Variants in DPP6 observed in about 807,000 individuals in gnomAD.
DPP6 encodes the protein dipeptidyl peptidase like 6, also known as A-type potassium channel modulatory protein DPP6.
Under a neutral mutation model 122.6 loss-of-function variants are expected in DPP6, and 69 were observed. The ratio of observed to expected loss-of-function variants is 0.56; its 90% CI spans 0.46 to 0.69. The LOEUF (loss-of-function observed/expected upper bound fraction) is 0.69, where lower values mean the gene tolerates loss of function less well. Ranked by LOEUF, DPP6 falls within the 30% of genes least tolerant of loss-of-function variation. The pLI is 0.00. For synonymous variants in DPP6, 418 were observed against 433.1 expected, an observed-to-expected ratio of 0.97 and a Z score of 0.43; for missense variants, 928 against 1,116.9, an observed-to-expected ratio of 0.83 and a Z score of 2.41.
chr7:154,779,115 TCACCACCACTATCACCGCTATCACCAC>T (rs1796841104), intron 10 of DPP6, among the ~76,000 whole-genome samples: 1 of 418 alleles, frequency 2.4e-3, no homozygotes, highest in Admixed American at 0.029. Flanking sequence ...ACCCCCACCA[TCACCACCACTATCACCGCTATCACCAC>T]CACCCCCACC....
chr7:154,252,235 T>TGTGTGTGTGTGTGTGCGC (rs60245069), intron 1 of DPP6, among the ~76,000 whole-genome samples: 5 of 149,448 alleles, frequency 3.3e-5, no homozygotes, highest in African/African-American at 1.3e-4. Context: ...TGTGTGTGTG[T>TGTGTGTGTGTGTGTGCGC]GCGCGCATGC....
Position 153,924,118 on chromosome 7 carries a change from AT to A in DPP6, c.51+36399del, listed in dbSNP as rs199558532. The stretch of plus-strand genomic sequence containing the variant: ...ATAACAGTAATGTGTATTATTGAGG[AT>A]TTTTTTTTTTTTTTCGAGACGGAGT... On this transcript the variant is annotated intron_variant, in intron 1 of 25. Coordinates refer to the DPP6 transcript ENST00000404039. Among the ~76,000 whole-genome samples the A allele has an allele frequency of 4.4e-3, 629 of 143,112 alleles. 2 individuals are homozygous for A. Among genetic ancestry groups the A allele is most frequent in the East Asian group, 7.0e-3 (34 of 4,850 alleles). The allele number at this position is 143,112 out of a possible 152,430, so 93.9% of individuals were successfully genotyped here. A position where few individuals can be genotyped will look rare whatever the true frequency, so the allele number is the denominator to read the frequency against.
the DPP6 span, among the ~76,000 whole-genome samples, chr7:153,872,685 C>T: frequency 7.2e-5 from 11 of 152,246 alleles, no homozygotes; most frequent in African/African-American, 2.4e-4. Flanking sequence ...TTATCATTAT[C>T]ATCTTAGATG....
At chr7:153,840,534 A>G in the DPP6 span, among the ~76,000 whole-genome samples, 1 of 152,164 alleles carries the variant, frequency 6.6e-6, no homozygotes, top group Non-Finnish European at 1.5e-5. Context: ...CTCAAATGTA[A>G]TAATTAATAC....
At chr7:154,725,415 T>G (rs1259818690) in intron 7 of DPP6, among the ~76,000 whole-genome samples, 1 of 152,142 alleles carries the variant, frequency 6.6e-6, no homozygotes, top group Non-Finnish European at 1.5e-5. Flanking sequence ...CTCAGAAAAC[T>G]TTTAATCATT....
intron 1 of DPP6, among the ~76,000 whole-genome samples, chr7:154,279,601 T>C (rs916678193): frequency 6.6e-6 from 1 of 152,240 alleles, no homozygotes; most frequent in Non-Finnish European, 1.5e-5. Flanking sequence ...GTGGTACTGA[T>C]GATCATTACG....
intron 3 of DPP6, among the ~76,000 whole-genome samples, chr7:154,533,948 T>C (rs1483949652): frequency 6.6e-6 from 1 of 151,718 alleles, no homozygotes; most frequent in African/African-American, 2.4e-5. Flanking sequence ...CAGTAAGCCA[T>C]GATCATGCTA....
At chr7:153,990,807 A>G (rs1190778218) in intron 1 of DPP6, among the ~76,000 whole-genome samples, 24 of 152,252 alleles carry the variant, frequency 1.6e-4, no homozygotes, top group African/African-American at 4.6e-4. Flanking sequence ...CATTGAAGAA[A>G]AGAGGACGAA....
rs140310668 is a variant in DPP6 at position 154,582,070 on chromosome 7, C to A, written c.627+15154C>A. 1.5e-3 allele frequency among the ~76,000 whole-genome samples: 229 copies of A among 152,270 alleles called. 1 individual carries two copies. The highest frequency in any genetic ancestry group is 5.3e-3 in the African/African-American group (222 of 41,538). ...CTCTCGGTGCCCTGCTCACTGTGAG[C>A]AAATACATATTTAAAGACATATTCT... On this transcript the variant is annotated intron_variant, in intron 5 of 25. Transcript: ENST00000377770.
At chr7:153,813,365 T>G in the DPP6 span, among the ~76,000 whole-genome samples, 1 of 152,214 alleles carries the variant, frequency 6.6e-6, no homozygotes, top group Non-Finnish European at 1.5e-5. Context: ...CTCATCATTT[T>G]TATGGCTGCA....
intron 2 of DPP6, among the ~76,000 whole-genome samples, chr7:154,469,839 G>A (rs1822108746): frequency 6.6e-6 from 1 of 152,230 alleles, no homozygotes; most frequent in Non-Finnish European, 1.5e-5. Context: ...AGAACTAAAT[G>A]ATGTGTTTCC....
At chr7:154,090,842 C>T (rs1454237937) in intron 1 of DPP6, among the ~76,000 whole-genome samples, 1 of 149,744 alleles carries the variant, frequency 6.7e-6, no homozygotes, top group Non-Finnish European at 1.5e-5. Context: ...AATTCTGGGC[C>T]GTTTGCGGTG....
chr7:154,369,965 C>CATTTATTTATTTATTTATTT lies in DPP6; in HGVS notation c.244-76231_244-76212dup, dbSNP rs36198177. ...ATATTCATGGGATAGCAGATATATGCATTTATTTATTTATTTATTTATTTA... is the reference window on the plus strand; with the variant it reads ...ATATTCATGGGATAGCAGATATATGCATTTATTTATTTATTTATTTATTTATTTATTTATTTATTTATTTA... On this transcript the variant is annotated intron_variant, in intron 1 of 25. Coordinates refer to ENST00000377770, the MANE Select transcript of DPP6 (RefSeq NM_130797.4). Among the ~76,000 whole-genome samples, 9 of 145,934 alleles carry CATTTATTTATTTATTTATTT rather than the reference C, an allele frequency of 6.2e-5. No individual in the cohort carries two copies. In the East Asian group the frequency reaches 8.2e-4, roughly 13 times the overall value.
At chr7:154,608,408 AC>A (rs2130796113) in intron 5 of DPP6, among the ~76,000 whole-genome samples, 2 of 145,964 alleles carry the variant, frequency 1.4e-5, no homozygotes, top group African/African-American at 5.0e-5. Context: ...GCTCACTGCA[AC>A]CTCTGCCTCC....
At chr7:154,727,264 A>C (rs1299470468) in intron 7 of DPP6, among the ~76,000 whole-genome samples, 1 of 152,206 alleles carries the variant, frequency 6.6e-6, no homozygotes, top group Non-Finnish European at 1.5e-5. Context: ...GGTGAAGGGA[A>C]GCAGGCACAA....
chr7:154,283,625 C>G (rs546097600), intron 1 of DPP6, among the ~76,000 whole-genome samples: 22 of 151,974 alleles, frequency 1.4e-4, no homozygotes, highest in African/African-American at 5.1e-4. Context: ...TAGCACAAGG[C>G]ACTGTAGGAA....
chr7:154,361,678 A>G (rs1358194232), intron 1 of DPP6, among the ~76,000 whole-genome samples: 1 of 152,118 alleles, frequency 6.6e-6, no homozygotes, highest in Non-Finnish European at 1.5e-5. Flanking sequence ...GCAGCAATGA[A>G]TAGGTATTTT....
At chr7:154,192,828 G>T (rs1798680631) in intron 1 of DPP6, among the ~76,000 whole-genome samples, 1 of 152,224 alleles carries the variant, frequency 6.6e-6, no homozygotes, top group Middle Eastern at 3.2e-3. Flanking sequence ...GCAGGTGGCG[G>T]GGAGTTGGCA....
intron 2 of DPP6, among the ~76,000 whole-genome samples, chr7:154,450,647 G>T (rs1820281103): frequency 6.6e-6 from 1 of 152,186 alleles, no homozygotes; most frequent in African/African-American, 2.4e-5. Flanking sequence ...TCAGGCTGAG[G>T]ATTCAATCCA....
Sources: gnomAD v4.1 joint callset for allele counts (sites outside exome capture counted in the v4.1 genomes callset) on GRCh38, gnomAD v4.1.1 for gene constraint, MANE v1.5 for transcripts, NCBI Gene and HGNC (gene_info 2026-07-23, HGNC 2026-07-21) for gene names.